The following MACF1 variants were observed in gnomAD, a reference collection of about 807,000 sequenced individuals.
MACF1 encodes microtubule-actin cross-linking factor 1.
Under a neutral mutation model 854.8 loss-of-function variants are expected in MACF1, and 193 were observed. The ratio of observed to expected loss-of-function variants is 0.23; its 90% CI spans 0.20 to 0.25. The LOEUF (loss-of-function observed/expected upper bound fraction) is 0.25, where lower values mean the gene tolerates loss of function less well. Among genes scored for constraint, MACF1 ranks in the 10% least tolerant of loss-of-function variants. The pLI, the probability that MACF1 is intolerant of heterozygous loss-of-function variation, is 1.00. For missense variants in MACF1, 7,722 were observed against 8,929.1 expected (o/e 0.86, Z 5.45); for synonymous variants, 3,185 against 3,226.7 (o/e 0.99, Z 0.44).
At chr1:39,378,383 C>A (rs1419650662) in intron 52 of MACF1, 78 bp from the exon 53 acceptor site, 1 of 1,021,816 alleles carries the variant, frequency 9.8e-7, no homozygotes, top group Non-Finnish European at 1.5e-6. Flanking sequence ...AAGTGAGGGC[C>A]AAAGGACAAA....
rs541334999 is a variant in MACF1, at chr1:39,355,614, C to T, written c.11425-1761C>T. On this transcript the variant is annotated intron_variant, in intron 44 of 100. Coordinates refer to ENST00000564288, the MANE Select transcript of MACF1 (RefSeq NM_001394062.1). The stretch of plus-strand genomic sequence containing the variant: ...CTGAGTAGCTGGGATTACAGGTGCA[C>T]GCCACCACACCCAGCTAATTTTTGT... 1.0e-3 allele frequency among the ~76,000 whole-genome samples: 152 copies of T among 151,906 alleles called. 2 individuals carry two copies. The highest frequency in any genetic ancestry group is 3.4e-4 in the Non-Finnish European group (23 of 67,938).
In MACF1 at chr1:39,409,144, C is replaced by T. The variant is rs1642862519; in HGVS notation, c.15817-13230C>T. ...GGAGGAGGACTCGCCCCCCGCCCGA[C>T]CCTAGCGGAGCCTTTTGTTCCCAGC... On this transcript the variant is annotated intron_variant, in intron 58 of 100. Transcript: ENST00000564288. The surrounding 1 kb of genome is among the most constrained non-coding windows in gnomAD (Gnocchi z 4.2). Among the ~76,000 whole-genome samples, 1 of 152,108 alleles carries T rather than the reference C, an allele frequency of 6.6e-6. No homozygotes were observed. Among genetic ancestry groups the T allele is most frequent in the African/African-American group, 2.4e-5 (1 of 41,444 alleles).
chr1:39,374,040 A>C (rs1306707792), intron 52 of MACF1, among the ~76,000 whole-genome samples: 2 of 151,776 alleles, frequency 1.3e-5, no homozygotes, highest in Non-Finnish European at 2.9e-5. Context: ...CCAGGAGTTC[A>C]AGACCAGCCT....
chr1:39,397,798 AG>A (rs1557630530), intron 58 of MACF1, among the ~76,000 whole-genome samples: 1 of 152,212 alleles, frequency 6.6e-6, no homozygotes, highest in Non-Finnish European at 1.5e-5. Flanking sequence ...ACCATCATAA[AG>A]TTGAAAAATC....
intron 56 of MACF1, among the ~76,000 whole-genome samples, chr1:39,382,720 T>C (rs1302224266): frequency 6.6e-6 from 1 of 151,338 alleles, no homozygotes; most frequent in Non-Finnish European, 1.5e-5. Flanking sequence ...TAATCCCCTG[T>C]GATAGTGATC....
chr1:39,292,123 A>G, intron 16 of MACF1, 85 bp downstream of exon 16: 1 of 1,477,404 alleles, frequency 6.8e-7, no homozygotes, highest in Non-Finnish European at 9.1e-7. Flanking sequence ...GCTGTATTGA[A>G]GGAGGAGGGT....
At position 39,334,402 on chromosome 1, in the gene MACF1, C is replaced by G; in HGVS notation, c.7814C>G (p.Thr2605Ser). ...GAAGCTAAAAAAGAAGGACTGTTAA[C>G]TAATGAAGCAGTATTGTCTCCAGGA... ...LAEAKKEGLLTNEAVLSPGMM... is the reference protein window; with the variant it reads ...LAEAKKEGLLSNEAVLSPGMM... Residue 2605 changes from threonine to serine, a missense_variant, in exon 37 of 101, where the codon ACT becomes AGT. This residue lies in a region of MACF1 where 1,531 missense variants were observed against 1,601.6 expected (regional missense o/e 0.96). Coordinates refer to ENST00000564288, the MANE Select transcript of MACF1 (RefSeq NM_001394062.1). The G allele has an allele frequency of 1.2e-6, 2 of 1,614,020 alleles. No homozygotes were observed. The highest frequency in any genetic ancestry group is 4.5e-5 in the East Asian group (2 of 44,872).
intron 6 of MACF1, among the ~76,000 whole-genome samples, chr1:39,273,131 ATTTTTT>A (rs561821846): frequency 2.5e-4 from 30 of 120,456 alleles, no homozygotes; most frequent in African/African-American, 7.7e-4. Flanking sequence ...CTCTATACCA[ATTTTTT>A]TTTTTTTTTT....
intron 80 of MACF1, among the ~76,000 whole-genome samples, chr1:39,445,177 G>T (rs1371439833): frequency 6.6e-6 from 1 of 152,192 alleles, no homozygotes; most frequent in Non-Finnish European, 1.5e-5. Flanking sequence ...TATAGGGACT[G>T]ACGAATAATT....
chr1:39,102,582 C>G, intron 2 of MACF1: 1 of 602,544 alleles, frequency 1.7e-6, no homozygotes, highest in Middle Eastern at 3.8e-4. Flanking sequence ...ACATTAGAGG[C>G]GCTGAAAGAA....
chr1:39,258,718 C>T (rs950959749), intron 6 of MACF1, among the ~76,000 whole-genome samples: 1 of 152,306 alleles, frequency 6.6e-6, no homozygotes. Flanking sequence ...CTCTCTGATA[C>T]ACAGTTGCTG....
Position 39,368,323 on chromosome 1 carries a change from T to C in MACF1, c.12938+9T>C, listed in dbSNP as rs1648911042. 1.2e-6 allele frequency: 2 copies of C among 1,609,300 alleles called. No individual in the cohort carries two copies. The highest frequency in any genetic ancestry group is 1.7e-6 in the Non-Finnish European group (2 of 1,176,254). ...AAGACAGTTAAAGAGAGGTGAGTTATCACTTGTGTTGGTCAGCATTGGGGA... is the reference window on the plus strand; with the variant it reads ...AAGACAGTTAAAGAGAGGTGAGTTACCACTTGTGTTGGTCAGCATTGGGGA... On this transcript the variant is annotated intron_variant, in intron 50 of 100. Transcript: ENST00000564288.
intron 40 of MACF1, among the ~76,000 whole-genome samples, chr1:39,342,495 GGA>G (rs1246657286): frequency 6.6e-6 from 1 of 151,890 alleles, no homozygotes; most frequent in African/African-American, 2.4e-5. Flanking sequence ...ACTGAACTCA[GGA>G]GAGTTTTTGA....
At chr1:39,371,493 G>A (rs1649239584) in intron 51 of MACF1, among the ~76,000 whole-genome samples, 1 of 152,064 alleles carries the variant, frequency 6.6e-6, no homozygotes, top group South Asian at 2.1e-4. Flanking sequence ...GGGCAATGAA[G>A]GCTAGAATGG....
At chr1:39,259,323 GTGT>G (rs1261076550) in intron 6 of MACF1, among the ~76,000 whole-genome samples, 1 of 152,072 alleles carries the variant, frequency 6.6e-6, no homozygotes, top group Non-Finnish European at 1.5e-5. Flanking sequence ...TTGCAATGAT[GTGT>G]TCTTGGCTCA....
At chr1:39,091,017 G>A (rs1213476397) in intron 2 of MACF1, among the ~76,000 whole-genome samples, 3 of 151,900 alleles carry the variant, frequency 2.0e-5, no homozygotes, top group Admixed American at 1.3e-4. Context: ...TTTCCTGTAG[G>A]AGCAGAATAG....
intron 26 of MACF1, among the ~76,000 whole-genome samples, chr1:39,312,064 T>C (rs1646311627): frequency 6.6e-6 from 1 of 152,120 alleles, no homozygotes; most frequent in Non-Finnish European, 1.5e-5. Context: ...ACAAAATCTA[T>C]TTGTCCCTGA....
chr1:39,297,696 A>C lies in MACF1; in HGVS notation c.2432A>C (p.Asp811Ala). 1 of 1,614,120 alleles carries C rather than the reference A, an allele frequency of 6.2e-7. No homozygotes were observed. The highest frequency in any genetic ancestry group is 1.6e-4 in the Middle Eastern group (1 of 6,062). ...TCCATTAAACGAAAATATTCCTGTG[A>C]CCACAACACCAGCTTATCCCGCCTT... is the stretch of plus-strand genomic sequence containing the variant. Reference protein sequence around the residue: ...QDSIKRKYSCDHNTSLSRLED... With the variant: ...QDSIKRKYSCAHNTSLSRLED... Residue 811 changes from aspartate (D) to alanine (A), a missense_variant, in exon 21 of 101, where the codon GAC (aspartate) becomes GCC (alanine). Transcript: ENST00000564288.
At chr1:39,327,571 T>G (rs1042126920) in intron 36 of MACF1, among the ~76,000 whole-genome samples, 12 of 152,224 alleles carry the variant, frequency 7.9e-5, no homozygotes, top group African/African-American at 2.9e-4. Flanking sequence ...ACTAACCCTT[T>G]AGACCTGGTT....
Sources: gnomAD v4.1 joint callset for allele counts (sites outside exome capture counted in the v4.1 genomes callset) on GRCh38, gnomAD v4.1.1 for gene constraint, gnomAD v4.1.1 regional missense constraint, Gnocchi (gnomAD v3.1) non-coding constraint, MANE v1.5 for transcripts, NCBI Gene and HGNC (gene_info 2026-07-23, HGNC 2026-07-21) for gene names.